The following PRKN variants were observed in gnomAD, a reference collection of about 807,000 sequenced individuals.
PRKN encodes the protein parkin RBR E3 ubiquitin protein ligase.
PRKN carries 56 observed loss-of-function variants against 59.5 expected under a neutral mutation model. That is an observed-to-expected ratio of 0.94 (90% CI 0.76 to 1.18). PRKN has a LOEUF of 1.18. PRKN is among the 50% of genes most tolerant of loss of function. The pLI, the probability that PRKN is intolerant of heterozygous loss-of-function variation, is 0.00. For missense variants in PRKN, 657 were observed against 596.4 expected, an observed-to-expected ratio of 1.10 and a Z score of -1.06; for synonymous variants, 250 against 222.1, an observed-to-expected ratio of 1.13 and a Z score of -1.12.
chr6:162,195,518 A>C (rs190253968), intron 4 of PRKN, among the ~76,000 whole-genome samples: 1 of 152,292 alleles, frequency 6.6e-6, no homozygotes, highest in East Asian at 1.9e-4. Flanking sequence ...ATTGTGCCTA[A>C]TCTATAAACT....
At chr6:162,130,311 G>A (rs180891247) in intron 4 of PRKN, among the ~76,000 whole-genome samples, 1 of 152,064 alleles carries the variant, frequency 6.6e-6, no homozygotes, top group East Asian at 1.9e-4. Context: ...TCACACAACA[G>A]AAGGTTTCTA....
intron 6 of PRKN, among the ~76,000 whole-genome samples, chr6:161,910,521 C>T (rs1351949366): frequency 3.3e-5 from 5 of 152,146 alleles, no homozygotes; most frequent in African/African-American, 1.2e-4. Context: ...TCCCAAAGTG[C>T]TGGGATTACA....
At chr6:162,432,636 T>C (rs1789593825) in intron 2 of PRKN, among the ~76,000 whole-genome samples, 2 of 152,202 alleles carry the variant, frequency 1.3e-5, no homozygotes, top group Non-Finnish European at 2.9e-5. Flanking sequence ...TGGATTTCAG[T>C]GTACTACAAA....
intron 3 of PRKN, among the ~76,000 whole-genome samples, chr6:162,224,090 T>TG (rs1300850249): frequency 6.6e-6 from 1 of 151,550 alleles, no homozygotes; most frequent in Non-Finnish European, 1.5e-5. Flanking sequence ...CCAAAAAGAT[T>TG]TTTTTTTCCT....
chr6:162,599,844 T>G lies in PRKN; in HGVS notation c.7+127818A>C, dbSNP rs184693826. ...ATGATGAAAAGTCTTCTAGAATATT[T>G]ACAAAGCATATACTTCACTAGTTTC... On this transcript the variant is annotated intron_variant, in intron 1 of 11. Coordinates refer to ENST00000366898, the MANE Select transcript of PRKN (RefSeq NM_004562.3). Among the ~76,000 whole-genome samples, 82 of 152,320 alleles carry G rather than the reference T, an allele frequency of 5.4e-4. 1 individual carries two copies. The highest frequency in any genetic ancestry group is 4.0e-3 in the Admixed American group (61 of 15,294).
chr6:161,978,860 G>A lies in PRKN; in HGVS notation c.619-5443C>T, dbSNP rs1017888863. On this transcript the variant is annotated intron_variant, in intron 5 of 11. Coordinates refer to ENST00000366898, the MANE Select transcript of PRKN (RefSeq NM_004562.3). Reference sequence around the variant, plus strand: ...AAGTTGCTTCTCGGTCACTAGGGAAGCAGAGTATTCTGGGGGAGCAGCCGG... The same window carrying A: ...AAGTTGCTTCTCGGTCACTAGGGAAACAGAGTATTCTGGGGGAGCAGCCGG... Among the ~76,000 whole-genome samples, 9 of 152,240 alleles carry A rather than the reference G, an allele frequency of 5.9e-5. 1 individual carries two copies. The highest frequency in any genetic ancestry group is 5.2e-4 in the Admixed American group (8 of 15,290).
At chr6:162,295,390 T>A (rs935911360) in intron 2 of PRKN, among the ~76,000 whole-genome samples, 12 of 152,316 alleles carry the variant, frequency 7.9e-5, no homozygotes, top group African/African-American at 2.9e-4. Flanking sequence ...TTGCTATTTA[T>A]CAGTCTATAT....
rs1012673140 is a variant in PRKN, at chr6:161,561,708, C to A, written c.933+7647G>T. Among the ~76,000 whole-genome samples, 1 of 152,112 alleles carries A rather than the reference C, an allele frequency of 6.6e-6. No individual in the cohort carries two copies. The highest frequency in any genetic ancestry group is 1.9e-4 in the East Asian group (1 of 5,184). On this transcript the variant is annotated intron_variant, in intron 8 of 11. Transcript: ENST00000366898. This position sits in a 1 kb window ranked among gnomAD's most constrained non-coding sequence, Gnocchi z 5.0. Reference sequence around the variant, plus strand: ...TACTTCCCTTCTTCAGTTCTTGGATCTCTCTCTCAAATTACCGGTAATTCA... The same window carrying A: ...TACTTCCCTTCTTCAGTTCTTGGATATCTCTCTCAAATTACCGGTAATTCA...
intron 4 of PRKN, among the ~76,000 whole-genome samples, chr6:162,179,994 GTGTGTGTGTGTGTA>G (rs1419342039): frequency 6.0e-4 from 91 of 151,258 alleles, no homozygotes; most frequent in Admixed American, 2.0e-3. Context: ...GTGTGTGTGT[GTGTGTGTGTGTGTA>G]TGTGTGTAGC....
At position 162,164,026 on chromosome 6, in the gene PRKN, A is replaced by G. The variant is rs923007725; in HGVS notation, c.534+37105T>C. ...AGATGATTTATGTGAAAGGACATTT[A>G]AAGATGAATAGGTTTTGTGAGGTTG... On this transcript the variant is annotated intron_variant, in intron 4 of 11. Transcript: ENST00000366898. Among the ~76,000 whole-genome samples the G allele has an allele frequency of 2.1e-4, 32 of 149,172 alleles. 3 individuals carry two copies. The highest frequency in any genetic ancestry group is 4.4e-4 in the Non-Finnish European group (30 of 67,420).
In PRKN at chr6:161,874,948, AGGTACTTT is replaced by A. The variant is rs1208519070; in HGVS notation, c.735-89048_735-89041del. The stretch of plus-strand genomic sequence containing the variant: ...TATAAAATATAATATAATATATTAT[AGGTACTTT>A]ATATATAATATATAATTTATTATAT... On this transcript the variant is annotated intron_variant, in intron 6 of 11. Coordinates refer to ENST00000366898, the MANE Select transcript of PRKN (RefSeq NM_004562.3). Among the ~76,000 whole-genome samples, 13 of 84,326 alleles carry A rather than the reference AGGTACTTT, an allele frequency of 1.5e-4. 2 individuals are homozygous for A. Among genetic ancestry groups the A allele is most frequent in the African/African-American group, 8.5e-4 (13 of 15,302 alleles). 55.3% of individuals were successfully genotyped at this position (84,326 alleles called of 152,430 possible). A position where few individuals can be genotyped will look rare whatever the true frequency, so the allele number is the denominator to read the frequency against.
At chr6:162,187,109 G>A (rs1323647795) in intron 4 of PRKN, among the ~76,000 whole-genome samples, 1 of 152,126 alleles carries the variant, frequency 6.6e-6, no homozygotes, top group Non-Finnish European at 1.5e-5. Context: ...AATGGAAAAT[G>A]AAAAAGAGCT....
intron 7 of PRKN, among the ~76,000 whole-genome samples, chr6:161,747,968 T>C (rs1319647945): frequency 6.6e-6 from 1 of 152,218 alleles, no homozygotes; most frequent in Admixed American, 6.5e-5. Context: ...ATTATGTGGA[T>C]TTATTTTTGG....
chr6:162,689,492 T>C (rs2128234688), intron 1 of PRKN, among the ~76,000 whole-genome samples: 1 of 152,386 alleles, frequency 6.6e-6, no homozygotes, highest in South Asian at 2.1e-4. Context: ...TTAACTCTTT[T>C]GTGTGTTAAC....
chr6:161,872,961 C>CTT (rs112827816), intron 6 of PRKN, among the ~76,000 whole-genome samples: 26,503 of 139,224 alleles, frequency 0.19, 2,760 homozygotes, highest in African/African-American at 0.27. Flanking sequence ...ACAGTAATGA[C>CTT]TTTTTTTTTT....
Position 161,483,488 on chromosome 6 carries a change from T to A in PRKN, c.1083+65366A>T, listed in dbSNP as rs1398790398. 6.6e-6 allele frequency among the ~76,000 whole-genome samples: 1 copy of A among 152,178 alleles called. No individual in the cohort carries two copies. The highest frequency in any genetic ancestry group is 2.4e-5 in the African/African-American group (1 of 41,452). ...ATCTATAAGGTCAGGAAAGGGGTCA[T>A]AGCTCATAGAATATGGACTTGCATT... On this transcript the variant is annotated intron_variant, in intron 9 of 11. Coordinates refer to ENST00000366898, the MANE Select transcript of PRKN (RefSeq NM_004562.3). The surrounding 1 kb of genome is among the most constrained non-coding windows in gnomAD (Gnocchi z 5.0).
At chr6:161,944,310 T>C (rs1055555718) in intron 6 of PRKN, among the ~76,000 whole-genome samples, 1 of 152,208 alleles carries the variant, frequency 6.6e-6, no homozygotes, top group Admixed American at 6.5e-5. Flanking sequence ...TGACAAAGGT[T>C]TGGAGGAGGG....
intron 6 of PRKN, among the ~76,000 whole-genome samples, chr6:161,935,320 A>C (rs1185805506): frequency 6.6e-6 from 1 of 152,150 alleles, no homozygotes. Context: ...TTGGAGGCCA[A>C]GGAGGGTGAA....
chr6:162,588,929 C>T (rs111253067), intron 1 of PRKN, among the ~76,000 whole-genome samples: 3,140 of 152,202 alleles, frequency 0.021, 109 homozygotes, highest in African/African-American at 0.07. Context: ...ACGGTGGGTG[C>T]GCAGTAAGTT....
Sources: gnomAD v4.1 joint callset for allele counts (sites outside exome capture counted in the v4.1 genomes callset) on GRCh38, gnomAD v4.1.1 for gene constraint, Gnocchi (gnomAD v3.1) non-coding constraint, MANE v1.5 for transcripts, NCBI Gene and HGNC (gene_info 2026-07-23, HGNC 2026-07-21) for gene names.